FHIP2A: variants seen among roughly 807,000 people sequenced by gnomAD.
FHIP2A encodes the protein family with sequence similarity 160 member B1.
Under a neutral mutation model 93.5 loss-of-function variants are expected in FHIP2A, and 46 were observed. That is an observed-to-expected ratio of 0.49 (90% CI 0.39 to 0.63). The LOEUF is 0.63. Among genes scored for constraint, FHIP2A ranks in the 20% least tolerant of loss-of-function variants. The pLI is 0.00. For synonymous variants in FHIP2A, 332 were observed against 326.5 expected (o/e 1.02, Z -0.18); for missense variants, 769 against 909.7 (o/e 0.85, Z 1.99).
chr10:114,824,132 A>T (rs892417797), intron 1 of FHIP2A, among the ~76,000 whole-genome samples: 4 of 152,198 alleles, frequency 2.6e-5, no homozygotes, highest in African/African-American at 9.7e-5. Context: ...TATAACAGGG[A>T]CTTGAACATC....
intron 16 of FHIP2A, among the ~76,000 whole-genome samples, chr10:114,875,084 C>G (rs1157540723): frequency 6.6e-6 from 1 of 152,192 alleles, no homozygotes; most frequent in Non-Finnish European, 1.5e-5. Flanking sequence ...ACATGAGGCG[C>G]CGCTAAGTGC....
In FHIP2A at chr10:114,843,761, G is replaced by A; in HGVS notation, c.837G>A (p.Lys279=). 6.4e-7 allele frequency: 1 copy of A among 1,557,252 alleles called. No homozygotes were observed. The highest frequency in any genetic ancestry group is 8.6e-7 in the Non-Finnish European group (1 of 1,158,696). Residue 279 remains lysine, a synonymous_variant, in exon 7 of 17, where the codon AAG becomes AAA. Coordinates refer to ENST00000369248, the MANE Select transcript of FHIP2A (RefSeq NM_020940.4). The stretch of plus-strand genomic sequence containing the variant: ...TTTAGGATGGCAGAATAGCTGTGAA[G>A]GCATGTGAAGGCTTGATGCTGTTAG... ...TRSPDGRIAV[K]ACEGLMLLVS... is the part of the protein sequence containing the mutation.
rs552112568 is a variant in FHIP2A at position 114,834,891 on chromosome 10, C to T, written c.295-646C>T. ...ACATGGATGAAAAATATAGTATTTC[C>T]AGGATGCAAAACCTGTCTATGCAAA... On this transcript the variant is annotated intron_variant, in intron 3 of 16. Transcript: ENST00000369248. Among the ~76,000 whole-genome samples, 5 of 152,160 alleles carry T rather than the reference C, an allele frequency of 3.3e-5. No homozygotes were observed. In the East Asian group the frequency reaches 9.7e-4, roughly 29 times the overall value.
chr10:114,877,636 A>G (rs771034591), intron 16 of FHIP2A, among the ~76,000 whole-genome samples: 3 of 152,184 alleles, frequency 2.0e-5, no homozygotes, highest in Non-Finnish European at 4.4e-5. Context: ...TATTGTTCAG[A>G]CTACAAAATT....
At position 114,863,135 on chromosome 10, in the gene FHIP2A, T is replaced by G. The variant is rs1193996165; in HGVS notation, c.*1595T>G. 1 of 979,902 alleles carries G rather than the reference T, an allele frequency of 1.0e-6. No homozygotes were observed. The highest frequency in any genetic ancestry group is 1.8e-5 in the African/African-American group (1 of 57,136). The allele number at this position is 979,902 out of a possible 1,614,324, so 60.7% of individuals were successfully genotyped here. A position where few individuals can be genotyped will look rare whatever the true frequency, so the allele number is the denominator to read the frequency against. ...TAATTTCATGCAAATCTTTGTTAGCTTATTCTAAGAAATTTATTAAGTAAA... is the reference window on the plus strand; with the variant it reads ...TAATTTCATGCAAATCTTTGTTAGCGTATTCTAAGAAATTTATTAAGTAAA... On this transcript the variant is annotated 3_prime_UTR_variant, in exon 17 of 17. Coordinates refer to ENST00000369248, the MANE Select transcript of FHIP2A (RefSeq NM_020940.4).
At chr10:114,845,283 T>C (rs935235068) in intron 7 of FHIP2A, 84 bp from the exon 8 acceptor site, 8 of 750,974 alleles carry the variant, frequency 1.1e-5, no homozygotes, top group Admixed American at 9.8e-5. Context: ...AGTGTGTTCA[T>C]GTGCCTTCAT....
intron 5 of FHIP2A, among the ~76,000 whole-genome samples, chr10:114,839,709 C>G (rs1170588342): frequency 6.6e-6 from 1 of 151,646 alleles, no homozygotes; most frequent in Non-Finnish European, 1.5e-5. Context: ...AGTGAAACCC[C>G]TTCTCTACTA....
At position 114,843,939 on chromosome 10, in the gene FHIP2A, T is replaced by A; in HGVS notation, c.1013+2T>A. ...AACCGTGGAAGCAATTAACTGGGGG[T>A]AAGCACCGTTACTTGTATTTTCCCA... On this transcript the variant is annotated splice_donor_variant, in intron 7 of 16. Coordinates refer to ENST00000369248, the MANE Select transcript of FHIP2A (RefSeq NM_020940.4). LOFTEE classifies it high-confidence loss of function. 6.5e-7 allele frequency: 1 copy of A among 1,549,906 alleles called. No homozygotes were observed. Among genetic ancestry groups the A allele is most frequent in the Non-Finnish European group, 8.7e-7 (1 of 1,155,970 alleles).
At chr10:114,836,866 A>G (rs1046973770) in intron 5 of FHIP2A, among the ~76,000 whole-genome samples, 1 of 152,088 alleles carries the variant, frequency 6.6e-6, no homozygotes, top group Non-Finnish European at 1.5e-5. Flanking sequence ...AAAAATGATT[A>G]TGTTGTTTTT....
chr10:114,863,912 C>T lies in FHIP2A; in HGVS notation c.*2372C>T. The T allele has an allele frequency of 9.3e-7, 1 of 1,079,052 alleles. No individual in the cohort carries two copies. The highest frequency in any genetic ancestry group is 1.7e-5 in the African/African-American group (1 of 58,642). The allele number at this position is 1,079,052 out of a possible 1,614,324, so 66.8% of individuals were successfully genotyped here. Reference sequence around the variant, plus strand: ...ATGCACATTTTTTAAAACTTTCTAACAATATAGTCTTTGGATTTGTTTTTA... The same window carrying T: ...ATGCACATTTTTTAAAACTTTCTAATAATATAGTCTTTGGATTTGTTTTTA... On this transcript the variant is annotated 3_prime_UTR_variant, in exon 17 of 17. Transcript: ENST00000369248.
At chr10:114,891,219 A>AATATATATAT (rs67046628) in intron 16 of FHIP2A, among the ~76,000 whole-genome samples, 3,960 of 138,248 alleles carry the variant, frequency 0.029, 65 homozygotes, top group South Asian at 0.064. Context: ...AACAACAACA[A>AATATATATAT]ATATATATAT....
At chr10:114,850,102 C>G (rs1214252364) in intron 13 of FHIP2A, among the ~76,000 whole-genome samples, 3 of 151,960 alleles carry the variant, frequency 2.0e-5, no homozygotes, top group Non-Finnish European at 2.9e-5. Flanking sequence ...ACGGGTTTTC[C>G]GTTTTCTTGG....
In FHIP2A at chr10:114,863,264, C is replaced by G. The variant is rs2083810996; in HGVS notation, c.*1724C>G. On this transcript the variant is annotated 3_prime_UTR_variant, in exon 17 of 17. Transcript: ENST00000369248. ...TCAGTTTGCTGTATTTTTTTAATCACTTCATACAAGGAAAACTTCGACATT... is the reference window on the plus strand; with the variant it reads ...TCAGTTTGCTGTATTTTTTTAATCAGTTCATACAAGGAAAACTTCGACATT... 5.1e-6 allele frequency: 5 copies of G among 983,930 alleles called. No homozygotes were observed. The highest frequency in any genetic ancestry group is 6.0e-6 in the Non-Finnish European group (5 of 828,678). 60.9% of individuals were successfully genotyped at this position (983,930 alleles called of 1,614,324 possible).
At chr10:114,866,972 G>A (rs573274914), downstream of FHIP2A, among the ~76,000 whole-genome samples, 1 of 152,250 alleles carries the variant, frequency 6.6e-6, no homozygotes, top group South Asian at 2.1e-4. Context: ...ACTTTGGGAG[G>A]CTGAGGCAGG....
chr10:114,843,409 A>C (rs905490493), intron 6 of FHIP2A, among the ~76,000 whole-genome samples, 183 bp downstream of exon 6: 1 of 151,224 alleles, frequency 6.6e-6, no homozygotes, highest in African/African-American at 2.4e-5. Context: ...GGTTCAAGCG[A>C]TTCTCCTGCC....
At chr10:114,897,659 C>T (rs1228169336) in intron 16 of FHIP2A, among the ~76,000 whole-genome samples, 1 of 152,148 alleles carries the variant, frequency 6.6e-6, no homozygotes, top group Non-Finnish European at 1.5e-5. Context: ...CCTGTAATCC[C>T]ATCACTTTGC....
intron 12 of FHIP2A, 109 bp downstream of exon 12, chr10:114,847,342 G>C (rs2083707677): frequency 1.1e-6 from 1 of 951,730 alleles, no homozygotes; most frequent in South Asian, 1.8e-5. Flanking sequence ...ACGCTGGAGT[G>C]CAGTGGCACG....
Position 114,863,046 on chromosome 10 carries a change from G to A in FHIP2A, c.*1506G>A. 2 of 984,990 alleles carry A rather than the reference G, an allele frequency of 2.0e-6. No individual in the cohort carries two copies. Among genetic ancestry groups the A allele is most frequent in the Non-Finnish European group, 2.4e-6 (2 of 829,536 alleles). 61.0% of individuals were successfully genotyped at this position (984,990 alleles called of 1,614,324 possible). Reference sequence around the variant, plus strand: ...ATTTATTAAGAACAGAATATCAAAAGATTATGAATAGCCTCAGCTCTAGAA... The same window carrying A: ...ATTTATTAAGAACAGAATATCAAAAAATTATGAATAGCCTCAGCTCTAGAA... On this transcript the variant is annotated 3_prime_UTR_variant, in exon 17 of 17. Transcript: ENST00000369248.
downstream of FHIP2A, chr10:114,864,741 T>G: frequency 1.0e-6 from 1 of 963,674 alleles, no homozygotes; most frequent in Non-Finnish European, 1.2e-6. Flanking sequence ...TGTAAAATTC[T>G]AATTGGGAAC....
Sources: gnomAD v4.1 joint callset for allele counts (sites outside exome capture counted in the v4.1 genomes callset) on GRCh38, gnomAD v4.1.1 for gene constraint, MANE v1.5 for transcripts, NCBI Gene and HGNC (gene_info 2026-07-23, HGNC 2026-07-21) for gene names.